Variants in PDCD1 observed in about 807,000 individuals in gnomAD.
PDCD1 encodes the protein programmed cell death 1.
PDCD1 carries 10 observed loss-of-function variants against 23.6 expected under a neutral mutation model. The ratio of observed to expected loss-of-function variants is 0.42; its 90% confidence interval spans 0.26 to 0.72. The LOEUF (loss-of-function observed/expected upper bound fraction) is 0.72. Among genes scored for constraint, PDCD1 ranks in the 30% least tolerant of loss-of-function variants. The pLI, the probability that PDCD1 is intolerant of heterozygous loss-of-function variation, is 0.24. For missense variants in PDCD1, 313 were observed against 397.8 expected (o/e 0.79, Z 1.81); for synonymous variants, 168 against 169.3 (o/e 0.99, Z 0.06).
chr2:241,857,717 C>T (rs1283495297), intron 1 of PDCD1, among the ~76,000 whole-genome samples: 2 of 152,160 alleles, frequency 1.3e-5, no homozygotes, highest in African/African-American at 2.4e-5. Context: ...GGAGAGGGGC[C>T]GAGGTGGGGA....
Position 241,849,971 on chromosome 2 carries a change from C to T in PDCD1, c.*1087G>A. 4.6e-6 allele frequency: 1 copy of T among 215,638 alleles called. No homozygotes were observed. The highest frequency in any genetic ancestry group is 9.4e-6 in the Non-Finnish European group (1 of 106,862). The allele number at this position is 215,638 out of a possible 1,614,324, so 13.4% of individuals were successfully genotyped here. On this transcript the variant is annotated 3_prime_UTR_variant, in exon 5 of 5. Coordinates refer to ENST00000334409, the MANE Select transcript of PDCD1 (RefSeq NM_005018.3). ...CTTGTCCCAGCCACTCAGGTGCCTG[C>T]TGGCCGCCTGGATGCTGGTGGCCCT...
rs143352388 is a variant in PDCD1, at chr2:241,851,056, G to T, written c.*2C>A. The stretch of plus-strand genomic sequence containing the variant: ...CAGAACACTGGTGGCCAAGGAAGCC[G>T]GTCAGAGGGGCCAAGAGCAGTGTCC... On this transcript the variant is annotated 3_prime_UTR_variant, in exon 5 of 5. Transcript: ENST00000334409. 7 of 1,608,022 alleles carry T rather than the reference G, an allele frequency of 4.4e-6. No individual in the cohort carries two copies. The highest frequency in any genetic ancestry group is 5.1e-6 in the Non-Finnish European group (6 of 1,176,900).
At chr2:241,856,516 TGACTTTAAAAATCA>T (rs1473113192) in intron 1 of PDCD1, among the ~76,000 whole-genome samples, 2 of 152,240 alleles carry the variant, frequency 1.3e-5, no homozygotes, top group Non-Finnish European at 1.5e-5. Flanking sequence ...TTCAAAAGTT[TGACTTTAAAAATCA>T]GACTTTAAAA....
chr2:241,851,879 C>T, intron 4 of PDCD1, 70 bp downstream of exon 4: 1 of 1,452,770 alleles, frequency 6.9e-7, no homozygotes, highest in Admixed American at 1.7e-5. Context: ...TGGTCCCAGC[C>T]TGTCCTTCCA....
intron 1 of PDCD1, among the ~76,000 whole-genome samples, chr2:241,855,998 A>C (rs1575402167): frequency 6.6e-6 from 1 of 152,194 alleles, no homozygotes; most frequent in Admixed American, 6.5e-5. Flanking sequence ...AGATGAGGGC[A>C]CAGGGCTGGG....
At position 241,850,659 on chromosome 2, in the gene PDCD1, C is replaced by G; in HGVS notation, c.*399G>C. 1 of 484,620 alleles carries G rather than the reference C, an allele frequency of 2.1e-6. No individual in the cohort carries two copies. The highest frequency in any genetic ancestry group is 3.8e-6 in the Non-Finnish European group (1 of 261,336). 30.0% of individuals were successfully genotyped at this position (484,620 alleles called of 1,614,324 possible). A position where few individuals can be genotyped will look rare whatever the true frequency, so the allele number is the denominator to read the frequency against. ...TCCAAGGCCATCTCCAACCAGCCCC[C>G]AAGTTCAGGCAGGAGGCTCCGGGGC... On this transcript the variant is annotated 3_prime_UTR_variant, in exon 5 of 5. Transcript: ENST00000334409.
At position 241,851,106 on chromosome 2, in the gene PDCD1, A is replaced by T; in HGVS notation, c.819T>A (p.Ser273Arg). The change falls in exon 5 of 5, where the codon AGT (serine) becomes AGA (arginine). Residue 273 changes from serine to arginine, a missense_variant. By Grantham distance (110) the Ser-to-Arg change is moderately radical. This residue lies in a region of PDCD1 where 158 missense variants were observed against 177.5 expected (regional missense o/e 0.89). Coordinates refer to ENST00000334409, the MANE Select transcript of PDCD1 (RefSeq NM_005018.3). ...CATCCTCAGGCCTCAGTGGCTGGGCACTCCGAGGGCCGTCAGCTGAGCCCC... is the reference window on the plus strand; with the variant it reads ...CATCCTCAGGCCTCAGTGGCTGGGCTCTCCGAGGGCCGTCAGCTGAGCCCC... ...ARRGSADGPR[S>R]AQPLRPEDGH... is the part of the protein sequence containing the mutation. 1.9e-6 allele frequency: 3 copies of T among 1,612,912 alleles called. No individual in the cohort carries two copies. Among genetic ancestry groups the T allele is most frequent in the Non-Finnish European group, 2.5e-6 (3 of 1,179,862 alleles).
rs2124859135 is a variant in PDCD1, at chr2:241,852,259, C to T, written c.531G>A (p.Leu177=). Residue 177 remains leucine, a synonymous_variant, in exon 3 of 5, where the codon CTG becomes CTA. Transcript: ENST00000334409. ...QTLVVGVVGG[L]LGSLVLLVWV... is the part of the protein sequence containing the mutation. ...AGACTAGCAGCACCAGGCTGCCCAG[C>T]AGGCCGCCCACGACACCAACCACCA... The T allele has an allele frequency of 6.2e-7, 1 of 1,611,272 alleles. No individual in the cohort carries two copies. Among genetic ancestry groups the T allele is most frequent in the Non-Finnish European group, 8.5e-7 (1 of 1,179,456 alleles).
intron 1 of PDCD1, among the ~76,000 whole-genome samples, chr2:241,854,066 A>G (rs1185255474): frequency 6.6e-6 from 1 of 152,208 alleles, no homozygotes; most frequent in Non-Finnish European, 1.5e-5. Context: ...GTGTCCCTGC[A>G]GCCAGGCTGG....
chr2:241,856,015 T>C (rs1001945649), intron 1 of PDCD1, among the ~76,000 whole-genome samples: 2 of 152,166 alleles, frequency 1.3e-5, no homozygotes, highest in African/African-American at 4.8e-5. Flanking sequence ...TGGGTGGCCA[T>C]TGACCAGCAG....
At chr2:241,856,251 G>A (rs1204124593) in intron 1 of PDCD1, among the ~76,000 whole-genome samples, 1 of 152,014 alleles carries the variant, frequency 6.6e-6, no homozygotes, top group Non-Finnish European at 1.5e-5. Context: ...GCCGGGAGAG[G>A]CTGAGCAGAG....
In PDCD1 at chr2:241,851,202, A is replaced by T. The variant is rs2124856279; in HGVS notation, c.723T>A (p.Cys241Ter). 6.2e-7 allele frequency: 1 copy of T among 1,613,790 alleles called. No homozygotes were observed. Among genetic ancestry groups the T allele is most frequent in the Non-Finnish European group, 8.5e-7 (1 of 1,179,990 alleles). Residue 241 changes from cysteine to a stop codon, truncating the protein, a stop_gained, in exon 5 of 5, where the codon TGT becomes TGA. Transcript: ENST00000334409. LOFTEE classifies it low-confidence loss of function (END_TRUNC). ...TGGCATACTCCGTCTGCTCAGGGAC[A>T]CAGGGCACGGGGGGCTCCGGGGTCT... ...REKTPEPPVP[C>*]VPEQTEYATI...
At chr2:241,857,056 C>T (rs765534183) in intron 1 of PDCD1, among the ~76,000 whole-genome samples, 18 of 152,186 alleles carry the variant, frequency 1.2e-4, no homozygotes, top group African/African-American at 3.1e-4. Flanking sequence ...CTCCTGCCCT[C>T]GGACGGGGCC....
chr2:241,853,216 T>A (rs1446071105), intron 1 of PDCD1, among the ~76,000 whole-genome samples: 1 of 152,194 alleles, frequency 6.6e-6, no homozygotes, highest in Non-Finnish European at 1.5e-5. Context: ...CTGACTTGGG[T>A]CTCCCTGATT....
chr2:241,858,621 G>A (rs56319949), intron 1 of PDCD1, 142 bp downstream of exon 1: 1 of 720,646 alleles, frequency 1.4e-6, no homozygotes, highest in Non-Finnish European at 2.4e-6. Flanking sequence ...AGAGTGAAAG[G>A]TCCCTCCAGA....
chr2:241,857,725 G>A (rs563617364), intron 1 of PDCD1, among the ~76,000 whole-genome samples: 38 of 152,302 alleles, frequency 2.5e-4, no homozygotes, highest in African/African-American at 8.4e-4. Context: ...GCCGAGGTGG[G>A]GAACCCCCAG....
rs56180056 is a variant in PDCD1, at chr2:241,851,914, CACAG to C, written c.627+31_627+34del. On this transcript the variant is annotated intron_variant, in intron 4 of 4. Coordinates refer to ENST00000334409, the MANE Select transcript of PDCD1 (RefSeq NM_005018.3). ...ACCTCTGCCCACCCAGGAAGGAAGGCACAGTGGATCATGCAGGAAAAGAGTGAGA... is the reference window on the plus strand; with the variant it reads ...ACCTCTGCCCACCCAGGAAGGAAGGCTGGATCATGCAGGAAAAGAGTGAGA... 3,571 of 1,607,912 alleles carry C rather than the reference CACAG, an allele frequency of 2.2e-3. 64 individuals are homozygous for C. In the African/African-American group the frequency reaches 0.042, roughly 19 times the overall value.
chr2:241,851,893 C>T lies in PDCD1; in HGVS notation c.627+56G>A, dbSNP rs1700909829. ...GTGGTCCCAGCCTGTCCTTCCACCTCTGCCCACCCAGGAAGGAAGGCACAG... is the reference window on the plus strand; with the variant it reads ...GTGGTCCCAGCCTGTCCTTCCACCTTTGCCCACCCAGGAAGGAAGGCACAG... On this transcript the variant is annotated intron_variant, in intron 4 of 4. Transcript: ENST00000334409. The T allele has an allele frequency of 1.9e-6, 3 of 1,551,880 alleles. No homozygotes were observed. The South Asian group carries it at 3.3e-5, about 17-fold the overall frequency.
chr2:241,852,661 C>A lies in PDCD1; in HGVS notation c.396G>T (p.Ala132=), dbSNP rs41400345. 1.9e-6 allele frequency: 3 copies of A among 1,613,042 alleles called. No individual in the cohort carries two copies. Among genetic ancestry groups the A allele is most frequent in the African/African-American group, 1.3e-5 (1 of 74,914 alleles). ...CTGCCCGCAGGCTCTCTTTGATCTG[C>A]GCCTTGGGGGCCAGGGAGATGGCCC... is the stretch of plus-strand genomic sequence containing the variant. ...LCGAISLAPK[A]QIKESLRAEL... Residue 132 remains alanine, a synonymous_variant, in exon 2 of 5, where the codon GCG becomes GCT. Transcript: ENST00000334409.
Sources: gnomAD v4.1 joint callset for allele counts (sites outside exome capture counted in the v4.1 genomes callset) on GRCh38, gnomAD v4.1.1 for gene constraint, gnomAD v4.1.1 regional missense constraint, MANE v1.5 for transcripts, NCBI Gene and HGNC (gene_info 2026-07-23, HGNC 2026-07-21) for gene names.